The following CPSF1 variants were observed in gnomAD, a reference collection of about 807,000 sequenced individuals.
CPSF1 encodes the protein cleavage and polyadenylation specific factor 1.
Under a neutral mutation model 175.8 loss-of-function variants are expected in CPSF1, and 106 were observed. The observed-to-expected ratio is 0.60, with a 90% confidence interval of 0.52 to 0.71. The LOEUF is 0.71. Among genes scored for constraint, CPSF1 ranks in the 30% least tolerant of loss-of-function variants. The probability of loss-of-function intolerance (pLI) is 0.00; values close to 1 mark genes in which losing one functional copy is unlikely to be tolerated. For synonymous variants in CPSF1, 1,024 were observed against 858.3 expected, an observed-to-expected ratio of 1.19 and a Z score of -3.37; for missense variants, 1,734 against 2,022.9, an observed-to-expected ratio of 0.86 and a Z score of 2.74.
intron 23 of CPSF1, 76 bp downstream of exon 23, chr8:144,397,131 G>T: frequency 7.4e-7 from 1 of 1,346,834 alleles, no homozygotes; most frequent in Non-Finnish European, 1.0e-6. Flanking sequence ...GGAGCCACGG[G>T]AAGGGGCGGG....
chr8:144,396,123 G>C, intron 26 of CPSF1: 1 of 583,442 alleles, frequency 1.7e-6, no homozygotes, highest in Non-Finnish European at 3.0e-6. Context: ...CAGAGCAGTG[G>C]TGGGGACCCC....
rs1554864446 is a variant in CPSF1 at position 144,397,576 on chromosome 8, T to C, written c.2296A>G (p.Ser766Gly). 1 of 1,543,654 alleles carries C rather than the reference T, an allele frequency of 6.5e-7. No homozygotes were observed. Among genetic ancestry groups the C allele is most frequent in the Admixed American group, 1.9e-5 (1 of 53,622 alleles). The change falls in exon 22 of 38, where the codon AGC (serine) becomes GGC (glycine). Residue 766 changes from serine (S) to glycine (G), a missense_variant. Physicochemically the swap from Ser to Gly is moderately conservative, Grantham distance 56. This residue lies in a region of CPSF1 where 585 missense variants were observed against 584.7 expected (regional missense o/e 1.00). Transcript: ENST00000616140. ...SPSKEEARRS[S>G]QPPADRDPAP... ...GGGTCCCGGTCAGCAGGGGGCTGGCTGCTTCTTCGGGCCTCCTCCTTGCTG... is the reference window on the plus strand; with the variant it reads ...GGGTCCCGGTCAGCAGGGGGCTGGCCGCTTCTTCGGGCCTCCTCCTTGCTG...
chr8:144,395,613 C>T, intron 26 of CPSF1, 62 bp from the exon 27 acceptor site: 1 of 1,424,044 alleles, frequency 7.0e-7, no homozygotes, highest in Non-Finnish European at 9.7e-7. Context: ...GCAGGCAGGC[C>T]CAGGCCGCCA....
chr8:144,397,815 C>G lies in CPSF1; in HGVS notation c.2138G>C (p.Arg713Pro). 6.2e-7 allele frequency: 1 copy of G among 1,611,018 alleles called. No homozygotes were observed. The highest frequency in any genetic ancestry group is 8.5e-7 in the Non-Finnish European group (1 of 1,179,312). ...GAGCTCGTCACGGGCCCCACCCAGG[C>G]GGCTCTCAGTGGTGAACATGCCGCT... ...DLSGMFTTES[R>P]LGGARDELGG... Residue 713 changes from arginine to proline, a missense_variant, in exon 21 of 38, where the codon CGC (arginine) becomes CCC (proline). Transcript: ENST00000616140.
At chr8:144,402,991 C>G (rs925222509) in intron 2 of CPSF1, among the ~76,000 whole-genome samples, 1 of 152,080 alleles carries the variant, frequency 6.6e-6, no homozygotes, top group South Asian at 2.1e-4. Flanking sequence ...ACTTACCATG[C>G]TGTCAAAATT....
rs1554863344 is a variant in CPSF1, at chr8:144,395,343, C to A, written c.3109G>T (p.Ala1037Ser). The stretch of plus-strand genomic sequence containing the variant: ...GCACACGGCGTGTTGGTGCTGGTGG[C>A]CACAGCATACACCTGTGGGTTAGTG... ...YHVESKVYAV[A>S]TSTNTPCARI... Residue 1037 changes from alanine to serine, a missense_variant, in exon 28 of 38, where the codon GCC becomes TCC. This residue lies in a region of CPSF1 where 585 missense variants were observed against 584.7 expected (regional missense o/e 1.00). Coordinates refer to ENST00000616140, the MANE Select transcript of CPSF1 (RefSeq NM_013291.3). 6.2e-7 allele frequency: 1 copy of A among 1,613,442 alleles called. No individual in the cohort carries two copies. The highest frequency in any genetic ancestry group is 1.7e-5 in the Admixed American group (1 of 60,012).
Position 144,398,541 on chromosome 8 carries a change from C to T in CPSF1, c.1736G>A (p.Arg579Gln), listed in dbSNP as rs2116852009. Residue 579 changes from arginine (R) to glutamine (Q), a missense_variant, in exon 18 of 38, where the codon CGG becomes CAG. Around this residue, in one of 10 missense-constraint regions of CPSF1, gnomAD observed 280 missense variants for 349.2 expected, o/e 0.80. Coordinates refer to ENST00000616140, the MANE Select transcript of CPSF1 (RefSeq NM_013291.3). ...GRRHGFLILS[R>Q]EDSTMILQTG... ...GCCCCTCACCATGGTGGAGTCTTCC[C>T]GGCTCAGAATCAGGAATCCGTGTCT... is the stretch of plus-strand genomic sequence containing the variant. 25 of 1,613,726 alleles carry T rather than the reference C, an allele frequency of 1.5e-5. No homozygotes were observed. Among genetic ancestry groups the T allele is most frequent in the South Asian group, 5.5e-5 (5 of 91,090 alleles).
chr8:144,408,865 A>T (rs1486157578), intron 2 of CPSF1, 150 bp downstream of exon 2: 5 of 907,274 alleles, frequency 5.5e-6, no homozygotes, highest in Non-Finnish European at 8.1e-6. Context: ...TGAGCACAAG[A>T]GATTCAGGGT....
In CPSF1 at chr8:144,400,134, G is replaced by GCCCCC. The variant is rs782373475; in HGVS notation, c.937+31_937+32insGGGGG. ...ACTAGGCAGGCCCAAGCCGTCCCCG[G>GCCCCC]GCCCCCCCCGCCCCAGCCACCCCAC... On this transcript the variant is annotated intron_variant, in intron 9 of 37. Transcript: ENST00000616140. 886 of 965,418 alleles carry GCCCCC rather than the reference G, an allele frequency of 9.2e-4. 10 individuals carry two copies. Among genetic ancestry groups the GCCCCC allele is most frequent in the South Asian group, 1.4e-3 (91 of 62,784 alleles). The allele number at this position is 965,418 out of a possible 1,614,324, so 59.8% of individuals were successfully genotyped here.
At position 144,396,638 on chromosome 8, in the gene CPSF1, G is replaced by A. The variant is rs370008148; in HGVS notation, c.2786C>T (p.Ala929Val). Residue 929 changes from alanine (A) to valine (V), a missense_variant, in exon 25 of 38, where the codon GCG becomes GTG. This residue lies in a region of CPSF1 where 585 missense variants were observed against 584.7 expected (regional missense o/e 1.00). Coordinates refer to ENST00000616140, the MANE Select transcript of CPSF1 (RefSeq NM_013291.3). ...AATATCCTCGAAGTAGCGGAAACGCGCCACGCGGCCCCGGGCCCCAGCCCC... is the reference window on the plus strand; with the variant it reads ...AATATCCTCGAAGTAGCGGAAACGCACCACGCGGCCCCGGGCCCCAGCCCC... ...EEGAGARGRV[A>V]RFRYFEDIYG... 4.4e-5 allele frequency: 71 copies of A among 1,613,548 alleles called. No individual in the cohort carries two copies. Among genetic ancestry groups the A allele is most frequent in the South Asian group, 4.4e-4 (40 of 91,078 alleles).
chr8:144,398,230 C>T (rs1554864844), intron 19 of CPSF1, 72 bp downstream of exon 19: 2 of 1,085,642 alleles, frequency 1.8e-6, no homozygotes, highest in African/African-American at 1.9e-5. Context: ...ACCACCTCCC[C>T]CCCACCGTCC....
At chr8:144,403,841 C>T (rs1248230661) in intron 2 of CPSF1, among the ~76,000 whole-genome samples, 1 of 151,976 alleles carries the variant, frequency 6.6e-6, no homozygotes, top group African/African-American at 2.4e-5. Flanking sequence ...TGAGCCACCG[C>T]GCCCAACTTC....
In CPSF1 at chr8:144,397,827, G is replaced by C. The variant is rs782614082; in HGVS notation, c.2126C>G (p.Thr709Ser). ...GGCCCCACCCAGGCGGCTCTCAGTG[G>C]TGAACATGCCGCTGAGGTCTCGGTA... ...CLYRDLSGMF[T>S]TESRLGGARD... is the part of the protein sequence containing the mutation. The change falls in exon 21 of 38, where the codon ACC becomes AGC. Residue 709 changes from threonine to serine, a missense_variant. Around this residue, in one of 10 missense-constraint regions of CPSF1, gnomAD observed 585 missense variants for 584.7 expected, o/e 1.00. Transcript: ENST00000616140. 4.3e-6 allele frequency: 7 copies of C among 1,611,234 alleles called. No individual in the cohort carries two copies. The African/African-American group carries it at 5.3e-5, about 12-fold the overall frequency.
Position 144,396,864 on chromosome 8 carries a change from GC to G in CPSF1, c.2657del (p.Gly886AlafsTer70). The G allele has an allele frequency of 1.2e-6, 2 of 1,613,984 alleles. No homozygotes were observed. Among genetic ancestry groups the G allele is most frequent in the Non-Finnish European group, 1.7e-6 (2 of 1,179,960 alleles). ...AFPHDSQLGQ[G>X]NLKVRFKKVP... ...CCTTCTTAAAGCGGACTTTGAGATT[GC>G]CCTGGCCGAGCTGAGAGTCGTGGGG... On this transcript the variant is annotated frameshift_variant, in exon 24 of 38. Coordinates refer to ENST00000616140, the MANE Select transcript of CPSF1 (RefSeq NM_013291.3). LOFTEE classifies it high-confidence loss of function.
Position 144,399,114 on chromosome 8 carries a change from C to A in CPSF1, c.1467+14G>T. The A allele has an allele frequency of 6.4e-7, 1 of 1,555,160 alleles. No homozygotes were observed. The highest frequency in any genetic ancestry group is 8.7e-7 in the Non-Finnish European group (1 of 1,150,038). ...CCAGCCCCTGCCCCCAGCCCCGACCCCAACCCTGGGCACCTCTTCAGAGAG... is the reference window on the plus strand; with the variant it reads ...CCAGCCCCTGCCCCCAGCCCCGACCACAACCCTGGGCACCTCTTCAGAGAG... On this transcript the variant is annotated intron_variant, in intron 15 of 37. Coordinates refer to ENST00000616140, the MANE Select transcript of CPSF1 (RefSeq NM_013291.3). The surrounding 1 kb of genome is among the most constrained non-coding windows in gnomAD (Gnocchi z 6.4).
Position 144,399,780 on chromosome 8 carries a change from C to A in CPSF1, c.1119+1G>T. On this transcript the variant is annotated splice_donor_variant, in intron 11 of 37. Coordinates refer to ENST00000616140, the MANE Select transcript of CPSF1 (RefSeq NM_013291.3). LOFTEE classifies it high-confidence loss of function. This position sits in a 1 kb window ranked among gnomAD's most constrained non-coding sequence, Gnocchi z 6.4. ...AGACCCAACCCCTAGTCCCAACTCA[C>A]GCTGGTGGTGAGGACGCTGGCGGCC... 6.3e-7 allele frequency: 1 copy of A among 1,578,270 alleles called. No individual in the cohort carries two copies. Among genetic ancestry groups the A allele is most frequent in the Non-Finnish European group, 8.6e-7 (1 of 1,162,562 alleles).
Position 144,393,381 on chromosome 8 carries a change from G to A in CPSF1, c.4285-16C>T, listed in dbSNP as rs1554861949. The A allele has an allele frequency of 1.0e-5, 8 of 773,098 alleles. No homozygotes were observed. Among genetic ancestry groups the A allele is most frequent in the African/African-American group, 2.0e-5 (1 of 51,250 alleles). 47.9% of individuals were successfully genotyped at this position (773,098 alleles called of 1,614,324 possible). ...CGTCCAGGATCTGCAGGGGATGGAAGGGTGGGTGGGTGGGTGGGTGGGGAT... is the reference window on the plus strand; with the variant it reads ...CGTCCAGGATCTGCAGGGGATGGAAAGGTGGGTGGGTGGGTGGGTGGGGAT... On this transcript the variant is annotated splice_polypyrimidine_tract_variant and intron_variant, in intron 37 of 37. Transcript: ENST00000616140.
chr8:144,397,572 T>G lies in CPSF1; in HGVS notation c.2300A>C (p.Gln767Pro), dbSNP rs1820849118. The G allele has an allele frequency of 3.9e-6, 6 of 1,544,572 alleles. No homozygotes were observed. Among genetic ancestry groups the G allele is most frequent in the Admixed American group, 1.9e-5 (1 of 53,792 alleles). Residue 767 changes from glutamine (Q) to proline (P), a missense_variant, in exon 22 of 38, where the codon CAG becomes CCG. By Grantham distance (76) the Gln-to-Pro change is moderately conservative. Coordinates refer to ENST00000616140, the MANE Select transcript of CPSF1 (RefSeq NM_013291.3). ...PSKEEARRSS[Q>P]PPADRDPAPF... ...TGCAGGGTCCCGGTCAGCAGGGGGC[T>G]GGCTGCTTCTTCGGGCCTCCTCCTT...
chr8:144,394,147 G>A lies in CPSF1; in HGVS notation c.3825C>T (p.Asp1275=). Residue 1275 remains aspartate, a synonymous_variant, in exon 34 of 38, where the codon GAC becomes GAT. Coordinates refer to ENST00000616140, the MANE Select transcript of CPSF1 (RefSeq NM_013291.3). The part of the protein sequence containing the change: ...AQLGFLVSDR[D]RNLMVYMYLP... ...GGTACATGTACACCATGAGGTTGCGGTCGCGGTCAGACACTGGGGAGCAGA... is the reference window on the plus strand; with the variant it reads ...GGTACATGTACACCATGAGGTTGCGATCGCGGTCAGACACTGGGGAGCAGA... 1 of 1,612,878 alleles carries A rather than the reference G, an allele frequency of 6.2e-7. No homozygotes were observed. The highest frequency in any genetic ancestry group is 8.5e-7 in the Non-Finnish European group (1 of 1,179,944).
Sources: allele counts gnomAD v4.1 joint callset (sites outside exome capture counted in the v4.1 genomes callset), GRCh38; gene constraint gnomAD v4.1.1; regional missense constraint gnomAD v4.1.1; non-coding constraint Gnocchi (gnomAD v3.1); transcripts MANE v1.5; gene names NCBI Gene and HGNC (gene_info 2026-07-23, HGNC 2026-07-21).